H1-2: variants seen among roughly 807,000 people sequenced by gnomAD.
The protein encoded by H1-2 is H1.2 linker histone, cluster member.
H1-2 carries 7 observed loss-of-function variants against 7.2 expected under a neutral mutation model. The observed-to-expected ratio is 0.97, with a 90% CI of 0.55 to 1.82. The LOEUF (loss-of-function observed/expected upper bound fraction) is 1.82, where lower values mean the gene tolerates loss of function less well. Ranked by LOEUF, H1-2 falls within the 40% of genes most tolerant of loss-of-function variation. H1-2 has a pLI of 0.00. For synonymous variants in H1-2, 300 were observed against 118.2 expected, an observed-to-expected ratio of 2.54 and a Z score of -9.98; for missense variants, 703 against 276.6, an observed-to-expected ratio of 2.54 and a Z score of -10.94.
Position 26,056,223 on chromosome 6 carries a change from G to A in H1-2, c.206C>T (p.Ala69Val), listed in dbSNP as rs765166827. The change falls in exon 1 of 1, where the codon GCC becomes GTC. Residue 69 changes from alanine to valine, a missense_variant. Ala to Val is a moderately conservative substitution (Grantham distance 64). Transcript: ENST00000343677. Reference protein sequence around the residue: ...LAALKKALAAAGYDVEKNNSR... With the variant: ...LAALKKALAAVGYDVEKNNSR... ...GTTGTTTTTCTCCACATCATAGCCG[G>A]CGGCAGCCAACGCTTTTTTCAGAGC... 1.1e-5 allele frequency: 18 copies of A among 1,614,232 alleles called. No homozygotes were observed. Among genetic ancestry groups the A allele is most frequent in the Admixed American group, 3.3e-5 (2 of 60,032 alleles).
chr6:26,056,272 C>CTT lies in H1-2; in HGVS notation c.155_156dup (p.Glu53LysfsTer11). The stretch of plus-strand genomic sequence containing the variant: ...GCAGCCAGAGAAACTCCGCTACGCT[C>CTT]TTTAGAGGCGGCCACAGCCTTGGTG... On this transcript the variant is annotated frameshift_variant, in exon 1 of 1. Coordinates refer to ENST00000343677, the MANE Select transcript of H1-2 (RefSeq NM_005319.4). LOFTEE classifies it high-confidence loss of function. 1.2e-6 allele frequency: 2 copies of CTT among 1,614,238 alleles called. No individual in the cohort carries two copies. The highest frequency in any genetic ancestry group is 1.7e-6 in the Non-Finnish European group (2 of 1,180,046).
Position 26,056,279 on chromosome 6 carries a change from G to C in H1-2, c.150C>G (p.Ala50=). The change falls in exon 1 of 1, where the codon GCC becomes GCG. Residue 50 remains alanine, a synonymous_variant. Transcript: ENST00000343677. ...VSELITKAVA[A]SKERSGVSLA... is the part of the protein sequence containing the mutation. ...GAGAAACTCCGCTACGCTCTTTAGA[G>C]GCGGCCACAGCCTTGGTGATGAGCT... 6.2e-7 allele frequency: 1 copy of C among 1,614,246 alleles called. No individual in the cohort carries two copies. Among genetic ancestry groups the C allele is most frequent in the Non-Finnish European group, 8.5e-7 (1 of 1,180,046 alleles).
rs769876588 is a variant in H1-2, at chr6:26,056,267, A to G, written c.162T>C (p.Arg54=). 3.1e-6 allele frequency: 5 copies of G among 1,614,196 alleles called. No individual in the cohort carries two copies. Among genetic ancestry groups the G allele is most frequent in the East Asian group, 2.2e-5 (1 of 44,864 alleles). The change falls in exon 1 of 1, where the codon CGT becomes CGC. Residue 54 remains arginine (R), a synonymous_variant. Transcript: ENST00000343677. ...TCAGAGCAGCCAGAGAAACTCCGCT[A>G]CGCTCTTTAGAGGCGGCCACAGCCT... ...ITKAVAASKE[R]SGVSLAALKK...
rs1399375725 is a variant in H1-2 at position 26,056,160 on chromosome 6, T to C, written c.269A>G (p.Lys90Arg). 5 of 1,614,254 alleles carry C rather than the reference T, an allele frequency of 3.1e-6. No homozygotes were observed. The East Asian group carries it at 1.1e-4, about 36-fold the overall frequency. The change falls in exon 1 of 1, where the codon AAG (lysine) becomes AGG (arginine). Residue 90 changes from lysine to arginine, a missense_variant. Transcript: ENST00000343677. ...GCCTTTCGTTTGCACCAGAGTGCCCTTGCTCACCAGGCTCTTGAGACCAAG... is the reference window on the plus strand; with the variant it reads ...GCCTTTCGTTTGCACCAGAGTGCCCCTGCTCACCAGGCTCTTGAGACCAAG... ...IKLGLKSLVS[K>R]GTLVQTKGTG...
Position 26,056,203 on chromosome 6 carries a change from T to C in H1-2, c.226A>G (p.Asn76Asp). 6.2e-7 allele frequency: 1 copy of C among 1,614,240 alleles called. No homozygotes were observed. Among genetic ancestry groups the C allele is most frequent in the Non-Finnish European group, 8.5e-7 (1 of 1,180,036 alleles). ...AGACCAAGTTTGATACGGCTGTTGTTTTTCTCCACATCATAGCCGGCGGCA... is the reference window on the plus strand; with the variant it reads ...AGACCAAGTTTGATACGGCTGTTGTCTTTCTCCACATCATAGCCGGCGGCA... ...LAAAGYDVEK[N>D]NSRIKLGLKS... is the part of the protein sequence containing the mutation. Residue 76 changes from asparagine to aspartate, a missense_variant, in exon 1 of 1, where the codon AAC (asparagine) becomes GAC (aspartate). Asn to Asp is a conservative substitution (Grantham distance 23). Coordinates refer to ENST00000343677, the MANE Select transcript of H1-2 (RefSeq NM_005319.4).
At position 26,056,262 on chromosome 6, in the gene H1-2, C is replaced by T. The variant is rs138831824; in HGVS notation, c.167G>A (p.Gly56Glu). The change falls in exon 1 of 1, where the codon GGA (glycine) becomes GAA (glutamate). Residue 56 changes from glycine to glutamate, a missense_variant. Physicochemically the swap from Gly to Glu is moderately conservative, Grantham distance 98 (BLOSUM62 -2). Coordinates refer to ENST00000343677, the MANE Select transcript of H1-2 (RefSeq NM_005319.4). ...KAVAASKERS[G>E]VSLAALKKAL... is the part of the protein sequence containing the mutation. ...TTTTTTCAGAGCAGCCAGAGAAACT[C>T]CGCTACGCTCTTTAGAGGCGGCCAC... The T allele has an allele frequency of 6.2e-7, 1 of 1,614,236 alleles. No homozygotes were observed. The highest frequency in any genetic ancestry group is 1.1e-5 in the South Asian group (1 of 91,082).
rs1244403998 is a variant in H1-2, at chr6:26,056,425, A to T, written c.4T>A (p.Ser2Thr). ...GCGGGAGCGGCAGGAGCAGTCTCGG[A>T]CATGTTGAGAATCAAAAACTCGGGT... M[S>T]ETAPAAPAAA... The change falls in exon 1 of 1, where the codon TCC (serine) becomes ACC (threonine). Residue 2 changes from serine (S) to threonine (T), a missense_variant. Coordinates refer to ENST00000343677, the MANE Select transcript of H1-2 (RefSeq NM_005319.4). The T allele has an allele frequency of 6.4e-7, 1 of 1,571,266 alleles. No homozygotes were observed. Among genetic ancestry groups the T allele is most frequent in the Non-Finnish European group, 8.6e-7 (1 of 1,163,116 alleles).
chr6:26,055,906 T>C lies in H1-2; in HGVS notation c.523A>G (p.Lys175Glu), dbSNP rs1581645072. Residue 175 changes from lysine to glutamate, a missense_variant, in exon 1 of 1, where the codon AAG (lysine) becomes GAG (glutamate). Transcript: ENST00000343677. ...TTGGGCTTCGCAACCTTGGCCTTCT[T>C]TGGGCTCTTAGCCACTTTCTTGGTT... is the stretch of plus-strand genomic sequence containing the variant. ...TVTKKVAKSP[K>E]KAKVAKPKKA... 1.2e-6 allele frequency: 2 copies of C among 1,614,208 alleles called. No individual in the cohort carries two copies. Among genetic ancestry groups the C allele is most frequent in the Non-Finnish European group, 1.7e-6 (2 of 1,180,038 alleles).
chr6:26,056,109 A>G lies in H1-2; in HGVS notation c.320T>C (p.Leu107Pro). 1 of 1,614,080 alleles carries G rather than the reference A, an allele frequency of 6.2e-7. No homozygotes were observed. Among genetic ancestry groups the G allele is most frequent in the Non-Finnish European group, 8.5e-7 (1 of 1,180,018 alleles). ...TTCCCCGGAGGCTGCCTTCTTGTTG[A>G]GTTTAAAGGAGCCAGAAGCACCGGT... The part of the protein sequence containing the change: ...KGTGASGSFK[L>P]NKKAASGEAK... The change falls in exon 1 of 1, where the codon CTC becomes CCC. Residue 107 changes from leucine (L) to proline (P), a missense_variant. By Grantham distance (98) the Leu-to-Pro change is moderately conservative (BLOSUM62 -3). Transcript: ENST00000343677.
chr6:26,056,326 C>A lies in H1-2; in HGVS notation c.103G>T (p.Ala35Ser). ...AGCTCTGACACCGGGGGACCAGACGCCTTACGAGGCGTACCCCCAGCCTTT... is the reference window on the plus strand; with the variant it reads ...AGCTCTGACACCGGGGGACCAGACGACTTACGAGGCGTACCCCCAGCCTTT... ...AKKAGGTPRK[A>S]SGPPVSELIT... The change falls in exon 1 of 1, where the codon GCG becomes TCG. Residue 35 changes from alanine to serine, a missense_variant. Physicochemically the swap from Ala to Ser is moderately conservative, Grantham distance 99 (BLOSUM62 1). Transcript: ENST00000343677. 6.2e-7 allele frequency: 1 copy of A among 1,614,064 alleles called. No individual in the cohort carries two copies. Among genetic ancestry groups the A allele is most frequent in the South Asian group, 1.1e-5 (1 of 91,084 alleles).
Position 26,055,878 on chromosome 6 carries a change from T to G in H1-2, c.551A>C (p.Lys184Thr). The change falls in exon 1 of 1, where the codon AAA (lysine) becomes ACA (threonine). Residue 184 changes from lysine to threonine, a missense_variant. Transcript: ENST00000343677. ...PKKAKVAKPK[K>T]AAKSAAKAVK... ...AGCCTTAGCAGCACTTTTGGCAGCT[T>G]TCTTGGGCTTCGCAACCTTGGCCTT... 6 of 1,614,098 alleles carry G rather than the reference T, an allele frequency of 3.7e-6. No homozygotes were observed. Among genetic ancestry groups the G allele is most frequent in the Non-Finnish European group, 5.1e-6 (6 of 1,179,966 alleles).
chr6:26,056,312 C>T lies in H1-2; in HGVS notation c.117G>A (p.Pro39=), dbSNP rs758036022. 6.2e-6 allele frequency: 10 copies of T among 1,613,946 alleles called. No individual in the cohort carries two copies. The highest frequency in any genetic ancestry group is 8.5e-6 in the Non-Finnish European group (10 of 1,179,908). The change falls in exon 1 of 1, where the codon CCG becomes CCA. Residue 39 remains proline (P), a synonymous_variant. Transcript: ENST00000343677. ...CAGCCTTGGTGATGAGCTCTGACAC[C>T]GGGGGACCAGACGCCTTACGAGGCG... ...GGTPRKASGP[P]VSELITKAVA...
chr6:26,056,264 G>A lies in H1-2; in HGVS notation c.165C>T (p.Ser55=), dbSNP rs563303107. Residue 55 remains serine (S), a synonymous_variant, in exon 1 of 1, where the codon AGC becomes AGT. Coordinates refer to ENST00000343677, the MANE Select transcript of H1-2 (RefSeq NM_005319.4). ...TTTTCAGAGCAGCCAGAGAAACTCC[G>A]CTACGCTCTTTAGAGGCGGCCACAG... ...TKAVAASKER[S]GVSLAALKKA... The A allele has an allele frequency of 1.5e-5, 25 of 1,614,238 alleles. No homozygotes were observed. Among genetic ancestry groups the A allele is most frequent in the African/African-American group, 9.3e-5 (7 of 75,074 alleles).
rs114826548 is a variant in H1-2, at chr6:26,056,189, G to C, written c.240C>G (p.Ile80Met). ...TCACCAGGCTCTTGAGACCAAGTTTGATACGGCTGTTGTTTTTCTCCACAT... is the reference window on the plus strand; with the variant it reads ...TCACCAGGCTCTTGAGACCAAGTTTCATACGGCTGTTGTTTTTCTCCACAT... The part of the protein sequence containing the change: ...GYDVEKNNSR[I>M]KLGLKSLVSK... The change falls in exon 1 of 1, where the codon ATC becomes ATG. Residue 80 changes from isoleucine (I) to methionine (M), a missense_variant. By Grantham distance (10) the Ile-to-Met change is conservative. Coordinates refer to ENST00000343677, the MANE Select transcript of H1-2 (RefSeq NM_005319.4). 2.5e-6 allele frequency: 4 copies of C among 1,614,208 alleles called. No individual in the cohort carries two copies. Among genetic ancestry groups the C allele is most frequent in the African/African-American group, 1.3e-5 (1 of 75,064 alleles).
In H1-2 at chr6:26,056,034, A is replaced by G. The variant is rs774315804; in HGVS notation, c.395T>C (p.Val132Ala). The G allele has an allele frequency of 3.1e-6, 5 of 1,613,888 alleles. No individual in the cohort carries two copies. The highest frequency in any genetic ancestry group is 1.1e-5 in the South Asian group (1 of 91,062). ...KAGGTKPKKP[V>A]GAAKKPKKAA... is the part of the protein sequence containing the mutation. ...CTTCTTGGGCTTCTTGGCTGCCCCAACTGGCTTCTTAGGTTTGGTTCCGCC... is the reference window on the plus strand; with the variant it reads ...CTTCTTGGGCTTCTTGGCTGCCCCAGCTGGCTTCTTAGGTTTGGTTCCGCC... The change falls in exon 1 of 1, where the codon GTT (valine) becomes GCT (alanine). Residue 132 changes from valine to alanine, a missense_variant. Val to Ala is a moderately conservative substitution (Grantham distance 64). Transcript: ENST00000343677.
Position 26,055,833 on chromosome 6 carries a change from T to G in H1-2, c.596A>C (p.Lys199Thr), listed in dbSNP as rs374434983. The G allele has an allele frequency of 1.2e-6, 2 of 1,612,464 alleles. No individual in the cohort carries two copies. Among genetic ancestry groups the G allele is most frequent in the Non-Finnish European group, 1.7e-6 (2 of 1,179,444 alleles). Residue 199 changes from lysine (K) to threonine (T), a missense_variant, in exon 1 of 1, where the codon AAG becomes ACG. Coordinates refer to ENST00000343677, the MANE Select transcript of H1-2 (RefSeq NM_005319.4). Reference sequence around the variant, plus strand: ...CTTCTTAGGCTTGACAACCTTGGGCTTAGCGGCCTTGGGCTTCACAGCCTT... The same window carrying G: ...CTTCTTAGGCTTGACAACCTTGGGCGTAGCGGCCTTGGGCTTCACAGCCTT... ...AAKAVKPKAA[K>T]PKVVKPKKAA...
chr6:26,056,101 T>C lies in H1-2; in HGVS notation c.328A>G (p.Lys110Glu). ...GASGSFKLNK[K>E]AASGEAKPKV... Reference sequence around the variant, plus strand: ...GGCTTGGCTTCCCCGGAGGCTGCCTTCTTGTTGAGTTTAAAGGAGCCAGAA... The same window carrying C: ...GGCTTGGCTTCCCCGGAGGCTGCCTCCTTGTTGAGTTTAAAGGAGCCAGAA... The change falls in exon 1 of 1, where the codon AAG becomes GAG. Residue 110 changes from lysine (K) to glutamate (E), a missense_variant. Transcript: ENST00000343677. The C allele has an allele frequency of 6.8e-6, 11 of 1,614,118 alleles. No homozygotes were observed. The highest frequency in any genetic ancestry group is 9.3e-6 in the Non-Finnish European group (11 of 1,179,962).
chr6:26,056,307 G>T lies in H1-2; in HGVS notation c.122C>A (p.Ser41Ter), dbSNP rs376197650. The T allele has an allele frequency of 6.2e-7, 1 of 1,613,990 alleles. No homozygotes were observed. Among genetic ancestry groups the T allele is most frequent in the Non-Finnish European group, 8.5e-7 (1 of 1,179,954 alleles). The part of the protein sequence containing the change: ...TPRKASGPPV[S>*]ELITKAVAAS... ...GGCCACAGCCTTGGTGATGAGCTCT[G>T]ACACCGGGGGACCAGACGCCTTACG... Residue 41 changes from serine (S) to a stop codon, truncating the protein, a stop_gained, in exon 1 of 1, where the codon TCA becomes TAA. Transcript: ENST00000343677. LOFTEE classifies it high-confidence loss of function.
Position 26,056,396 on chromosome 6 carries a change from G to A in H1-2, c.33C>T (p.Ala11=), listed in dbSNP as rs539669898. 1.6e-5 allele frequency: 26 copies of A among 1,600,834 alleles called. No individual in the cohort carries two copies. Among genetic ancestry groups the A allele is most frequent in the Middle Eastern group, 1.7e-4 (1 of 5,966 alleles). Residue 11 remains alanine, a synonymous_variant, in exon 1 of 1, where the codon GCC becomes GCT. Transcript: ENST00000343677. The part of the protein sequence containing the change: MSETAPAAPA[A]APPAEKAPVK... ...CAGGGGCCTTCTCCGCAGGAGGCGCGGCAGCGGGAGCGGCAGGAGCAGTCT... is the reference window on the plus strand; with the variant it reads ...CAGGGGCCTTCTCCGCAGGAGGCGCAGCAGCGGGAGCGGCAGGAGCAGTCT...
Sources: allele counts gnomAD v4.1 joint callset, GRCh38; gene constraint gnomAD v4.1.1; transcripts MANE v1.5; gene names NCBI Gene and HGNC (gene_info 2026-07-23, HGNC 2026-07-21).